KCNMB2: variants seen among roughly 807,000 people sequenced by gnomAD.
KCNMB2 encodes calcium-activated potassium channel subunit beta-2.
Under a neutral mutation model 24.5 loss-of-function variants are expected in KCNMB2, and 9 were observed. The ratio of observed to expected loss-of-function variants is 0.37; its 90% CI spans 0.22 to 0.64. The LOEUF (loss-of-function observed/expected upper bound fraction) is 0.64, where lower values mean the gene tolerates loss of function less well. Among genes scored for constraint, KCNMB2 ranks in the 30% least tolerant of loss-of-function variants. The pLI, the probability that KCNMB2 is intolerant of heterozygous loss-of-function variation, is 0.63. For synonymous variants in KCNMB2, 109 were observed against 104.4 expected, an observed-to-expected ratio of 1.04 and a Z score of -0.27; for missense variants, 226 against 284.3, an observed-to-expected ratio of 0.79 and a Z score of 1.47.
chr3:178,756,791 G>T (rs188037635), intron 1 of KCNMB2, among the ~76,000 whole-genome samples: 1 of 151,946 alleles, frequency 6.6e-6, no homozygotes, highest in Admixed American at 6.6e-5. Flanking sequence ...CCCTATTGTG[G>T]ATTGCTTAGC....
chr3:178,759,067 A>C (rs1224612764), intron 1 of KCNMB2, among the ~76,000 whole-genome samples: 2 of 28,266 alleles, frequency 7.1e-5, no homozygotes, highest in East Asian at 1.6e-3. Context: ...ATATATATAT[A>C]TATATATATA....
intron 1 of KCNMB2, among the ~76,000 whole-genome samples, chr3:178,699,825 C>G (rs1429515962): frequency 6.6e-6 from 1 of 152,230 alleles, no homozygotes; most frequent in East Asian, 1.9e-4. Context: ...GCTTGCCATC[C>G]CACCACTTCT....
chr3:178,543,697 T>G (rs1353697313), intron 1 of KCNMB2, among the ~76,000 whole-genome samples: 2 of 152,184 alleles, frequency 1.3e-5, no homozygotes, highest in African/African-American at 4.8e-5. Context: ...TCCTGAAGCT[T>G]GGTAACTAAT....
intron 2 of KCNMB2, among the ~76,000 whole-genome samples, chr3:178,817,515 G>A (rs1390914457): frequency 1.3e-5 from 2 of 152,104 alleles, no homozygotes; most frequent in Non-Finnish European, 2.9e-5. Context: ...TGAAATAACA[G>A]GTGTGTTCTC....
intron 1 of KCNMB2, among the ~76,000 whole-genome samples, chr3:178,543,550 T>C (rs1274859292): frequency 1.3e-5 from 2 of 152,248 alleles, no homozygotes; most frequent in East Asian, 1.9e-4. Flanking sequence ...ATTTAATTGC[T>C]CAATAAAAAT....
At chr3:178,783,916 A>G (rs1712985330) in intron 1 of KCNMB2, among the ~76,000 whole-genome samples, 1 of 152,164 alleles carries the variant, frequency 6.6e-6, no homozygotes, top group Admixed American at 6.5e-5. Flanking sequence ...TCAGTATGAT[A>G]TTGGCTGTGG....
intron 1 of KCNMB2, among the ~76,000 whole-genome samples, chr3:178,715,692 A>G (rs73047900): frequency 0.035 from 5,331 of 152,162 alleles, 324 homozygotes; most frequent in African/African-American, 0.12. Context: ...CCTCTTCCTC[A>G]TGTGGTGATT....
intron 1 of KCNMB2, among the ~76,000 whole-genome samples, chr3:178,743,126 G>A (rs1315487691): frequency 2.0e-5 from 3 of 152,256 alleles, no homozygotes; most frequent in Non-Finnish European, 2.9e-5. Flanking sequence ...GTAGCAGAGT[G>A]TGCAGAAAAG....
At chr3:178,757,751 A>T (rs1170456841) in intron 1 of KCNMB2, among the ~76,000 whole-genome samples, 2 of 85,994 alleles carry the variant, frequency 2.3e-5, no homozygotes, top group African/African-American at 8.8e-5. Flanking sequence ...TATATATATA[A>T]GAGGATATAT....
intron 1 of KCNMB2, among the ~76,000 whole-genome samples, chr3:178,713,895 T>C (rs990617671): frequency 4.6e-5 from 7 of 152,220 alleles, no homozygotes; most frequent in African/African-American, 1.4e-4. Context: ...CTGGAATGCA[T>C]GAATCCCTCA....
intron 2 of KCNMB2, 76 bp downstream of exon 2, chr3:178,807,541 T>G (rs1367672911): frequency 1.6e-6 from 2 of 1,262,764 alleles, no homozygotes; most frequent in Non-Finnish European, 2.3e-6. Context: ...GACAGGAAAG[T>G]AGTAGGCAAC....
chr3:178,835,058 T>C (rs1715176158), intron 4 of KCNMB2, among the ~76,000 whole-genome samples: 1 of 151,646 alleles, frequency 6.6e-6, no homozygotes, highest in South Asian at 2.1e-4. Flanking sequence ...CTCTGGATAT[T>C]GTCTAATCCC....
intron 1 of KCNMB2, among the ~76,000 whole-genome samples, chr3:178,651,701 T>G (rs1720127437): frequency 6.6e-6 from 1 of 152,164 alleles, no homozygotes; most frequent in Non-Finnish European, 1.5e-5. Flanking sequence ...CAAAACAGCA[T>G]GGTACTGGTA....
intron 1 of KCNMB2, among the ~76,000 whole-genome samples, chr3:178,560,168 T>C (rs1038266095): frequency 3.3e-5 from 5 of 151,396 alleles, no homozygotes; most frequent in African/African-American, 9.7e-5. Context: ...TTCATTTGAT[T>C]ATTTTAGATC....
chr3:178,755,952 C>A (rs1724018385), intron 1 of KCNMB2, among the ~76,000 whole-genome samples: 1 of 152,096 alleles, frequency 6.6e-6, no homozygotes, highest in Non-Finnish European at 1.5e-5. Context: ...TCAGACAATA[C>A]TCAGTTGAGG....
At chr3:178,714,020 T>C (rs1722538354) in intron 1 of KCNMB2, among the ~76,000 whole-genome samples, 1 of 152,196 alleles carries the variant, frequency 6.6e-6, no homozygotes, top group Admixed American at 6.5e-5. Context: ...CTCTCAAGTT[T>C]TTCTGTTGCC....
chr3:178,542,895 C>T (rs1715666912), intron 1 of KCNMB2, among the ~76,000 whole-genome samples: 1 of 152,130 alleles, frequency 6.6e-6, no homozygotes, highest in Non-Finnish European at 1.5e-5. Flanking sequence ...TCTCCCTTTC[C>T]TCAGAAGGAA....
intron 1 of KCNMB2, among the ~76,000 whole-genome samples, chr3:178,775,557 C>A (rs567509002): frequency 4.9e-4 from 74 of 152,214 alleles, no homozygotes; most frequent in African/African-American, 1.8e-3. Context: ...AATAGGAGTT[C>A]TTTTTCTTAA....
chr3:178,601,888 C>T (rs982422619), intron 1 of KCNMB2, among the ~76,000 whole-genome samples: 2 of 152,176 alleles, frequency 1.3e-5, no homozygotes, highest in African/African-American at 4.8e-5. Context: ...TATGCAAATA[C>T]CTGGCCAGGA....
Sources: gnomAD v4.1 joint callset for allele counts (sites outside exome capture counted in the v4.1 genomes callset) on GRCh38, gnomAD v4.1.1 for gene constraint, MANE v1.5 for transcripts, NCBI Gene and HGNC (gene_info 2026-07-23, HGNC 2026-07-21) for gene names.